C1orf21: variants seen among roughly 807,000 people sequenced by gnomAD.
The protein encoded by C1orf21 is uncharacterized protein C1orf21.
In C1orf21, 3 loss-of-function variants were observed where a neutral mutation model predicts 18.7. That is an observed-to-expected ratio of 0.16 (90% CI 0.07 to 0.42). The LOEUF is 0.42. Among genes scored for constraint, C1orf21 ranks in the 10% least tolerant of loss-of-function variants. The pLI, the probability that C1orf21 is intolerant of heterozygous loss-of-function variation, is 0.99. For missense variants in C1orf21, 104 were observed against 143.6 expected (o/e 0.72, Z 1.41); for synonymous variants, 41 against 46.4 (o/e 0.88, Z 0.47).
At chr1:184,545,272 G>T (rs140694755) in intron 3 of C1orf21, among the ~76,000 whole-genome samples, 3 of 151,998 alleles carry the variant, frequency 2.0e-5, no homozygotes. Flanking sequence ...GGAATGTGTC[G>T]CACCTGTTAA....
In C1orf21 at chr1:184,503,935, G is replaced by A. The variant is rs963633947; in HGVS notation, c.95-3653G>A. On this transcript the variant is annotated intron_variant, in intron 2 of 5. Coordinates refer to ENST00000235307, the MANE Select transcript of C1orf21 (RefSeq NM_030806.4). The stretch of plus-strand genomic sequence containing the variant: ...TGTTCAAGGGAGAAGCAGGAAAAAC[G>A]GCAGAAACAGACTGTACCCACTACT... Among the ~76,000 whole-genome samples, 7 of 152,064 alleles carry A rather than the reference G, an allele frequency of 4.6e-5. No homozygotes were observed. In the East Asian group the frequency reaches 7.7e-4, roughly 17 times the overall value.
At chr1:184,432,795 A>C (rs1656786132) in intron 1 of C1orf21, among the ~76,000 whole-genome samples, 1 of 152,234 alleles carries the variant, frequency 6.6e-6, no homozygotes, top group African/African-American at 2.4e-5. Context: ...AATGGAGAAC[A>C]TGAGAGGCTT....
At chr1:184,571,021 C>T (rs1170791952) in intron 3 of C1orf21, among the ~76,000 whole-genome samples, 21 of 152,052 alleles carry the variant, frequency 1.4e-4, no homozygotes, top group Admixed American at 1.4e-3. Context: ...AGGCCGGGCG[C>T]GGTGGCTCAC....
intron 5 of C1orf21, among the ~76,000 whole-genome samples, chr1:184,610,026 G>A (rs1659704317): frequency 6.6e-6 from 1 of 152,224 alleles, no homozygotes; most frequent in Non-Finnish European, 1.5e-5. Flanking sequence ...GCTCTAAAGA[G>A]GGCAAAACCC....
intron 1 of C1orf21, among the ~76,000 whole-genome samples, chr1:184,435,534 G>T (rs931192955): frequency 1.3e-5 from 2 of 152,096 alleles, no homozygotes; most frequent in Admixed American, 6.6e-5. Flanking sequence ...GTAGAGTTGG[G>T]GTTTCCCCAT....
At chr1:184,611,502 G>A (rs919771306) in intron 5 of C1orf21, among the ~76,000 whole-genome samples, 7 of 152,226 alleles carry the variant, frequency 4.6e-5, no homozygotes, top group East Asian at 1.9e-4. Context: ...CTAGCTAGTC[G>A]TGCACAGATG....
chr1:184,590,745 A>T lies in C1orf21; in HGVS notation c.196A>T (p.Ser66Cys), dbSNP rs1477247213. Residue 66 changes from serine (S) to cysteine (C), a missense_variant, in exon 4 of 6, where the codon AGT becomes TGT. Transcript: ENST00000235307. ...CTGTGTTTATGTGTTTCAGGAAAAA[A>T]GTGCCAGCTCAAATGTAAGACTTAA... ...AARNQENLEK[S>C]ASSNVRLKTN... 3 of 1,613,816 alleles carry T rather than the reference A, an allele frequency of 1.9e-6. No individual in the cohort carries two copies. In the African/African-American group the frequency reaches 4.0e-5, roughly 22 times the overall value.
chr1:184,469,349 A>C (rs191753420), intron 1 of C1orf21, among the ~76,000 whole-genome samples: 79 of 152,358 alleles, frequency 5.2e-4, no homozygotes, highest in African/African-American at 1.9e-3. Context: ...GTATTTCCTT[A>C]CATCTACCTC....
At chr1:184,617,453 GT>G (rs1293637533) in intron 5 of C1orf21, among the ~76,000 whole-genome samples, 1 of 152,138 alleles carries the variant, frequency 6.6e-6, no homozygotes, top group Non-Finnish European at 1.5e-5. Flanking sequence ...TATGTGTCTT[GT>G]TCCCCAGATT....
intron 5 of C1orf21, among the ~76,000 whole-genome samples, chr1:184,604,847 T>C (rs1458562869): frequency 6.6e-6 from 1 of 152,230 alleles, no homozygotes; most frequent in Admixed American, 6.5e-5. Context: ...CAACACACTT[T>C]CTTTTTTCTG....
intron 5 of C1orf21, among the ~76,000 whole-genome samples, chr1:184,609,825 T>A (rs1659701034): frequency 6.6e-6 from 1 of 152,230 alleles, no homozygotes; most frequent in South Asian, 2.1e-4. Context: ...TAAAATGGTA[T>A]AAAAATGTCA....
intron 2 of C1orf21, among the ~76,000 whole-genome samples, chr1:184,490,698 C>T (rs1657804698): frequency 6.6e-6 from 1 of 151,962 alleles, no homozygotes; most frequent in African/African-American, 2.4e-5. Context: ...ATTTAGAAAA[C>T]AGAAAATTTG....
rs75115995 is a variant in C1orf21, at chr1:184,404,230, G to C, written c.-125+16862G>C. Reference sequence around the variant, plus strand: ...CCAAAGCCTGTGTTTTCAGCTTTCTGTTCCAGAGTATCTTGTTAAGAACTT... The same window carrying C: ...CCAAAGCCTGTGTTTTCAGCTTTCTCTTCCAGAGTATCTTGTTAAGAACTT... On this transcript the variant is annotated intron_variant, in intron 1 of 5. Transcript: ENST00000235307. 7.1e-3 allele frequency among the ~76,000 whole-genome samples: 1,080 copies of C among 152,268 alleles called. 8 individuals are homozygous for C. The highest frequency in any genetic ancestry group is 0.024 in the African/African-American group (1,015 of 41,548).
intron 3 of C1orf21, among the ~76,000 whole-genome samples, chr1:184,579,137 A>C (rs1420085476): frequency 6.6e-6 from 1 of 151,230 alleles, no homozygotes; most frequent in African/African-American, 2.4e-5. Flanking sequence ...TCCTGGGTTC[A>C]AACAATTCTT....
chr1:184,531,092 T>C lies in C1orf21; in HGVS notation c.189+23410T>C, dbSNP rs185701555. Among the ~76,000 whole-genome samples the C allele has an allele frequency of 2.1e-4, 32 of 152,310 alleles. No individual in the cohort carries two copies. The East Asian group carries it at 4.0e-3, about 19-fold the overall frequency. On this transcript the variant is annotated intron_variant, in intron 3 of 5. Coordinates refer to ENST00000235307, the MANE Select transcript of C1orf21 (RefSeq NM_030806.4). Reference sequence around the variant, plus strand: ...TTCCACCTGTTTCAAAGTGATCTGGTTTTAGACTTAAAAAAGCTTTTTTCT... The same window carrying C: ...TTCCACCTGTTTCAAAGTGATCTGGCTTTAGACTTAAAAAAGCTTTTTTCT...
At chr1:184,552,757 C>G (rs923613632) in intron 3 of C1orf21, among the ~76,000 whole-genome samples, 2 of 151,880 alleles carry the variant, frequency 1.3e-5, no homozygotes, top group African/African-American at 2.4e-5. Flanking sequence ...AGATAAACAG[C>G]AGAGAGAGAA....
Position 184,624,066 on chromosome 1 carries a change from T to A in C1orf21, c.*4510T>A, listed in dbSNP as rs1455338798. 1 of 152,626 alleles carries A rather than the reference T, an allele frequency of 6.6e-6. No individual in the cohort carries two copies. Among genetic ancestry groups the A allele is most frequent in the African/African-American group, 2.4e-5 (1 of 41,452 alleles). 9.5% of individuals were successfully genotyped at this position (152,626 alleles called of 1,614,324 possible). A position where few individuals can be genotyped will look rare whatever the true frequency, so the allele number is the denominator to read the frequency against. ...TTACCCCCGTGTTCTAAATAATAGA[T>A]CTTAAGTGTGGAATGCATCTATCCA... On this transcript the variant is annotated 3_prime_UTR_variant, in exon 6 of 6. Transcript: ENST00000235307.
chr1:184,488,735 C>T (rs1217186920), intron 2 of C1orf21, among the ~76,000 whole-genome samples: 9 of 152,276 alleles, frequency 5.9e-5, no homozygotes, highest in Middle Eastern at 3.4e-3. Flanking sequence ...GAGGCCGAGG[C>T]GAGCAGGTTG....
rs1009704112 is a variant in C1orf21, at chr1:184,593,195, A to C, written c.266+2380A>C. ...ATACTTACTTAACATTGACACCCTG[A>C]AGCAGCACACTTCACAGACTGGCAT... On this transcript the variant is annotated intron_variant, in intron 4 of 5. Transcript: ENST00000235307. 6.6e-5 allele frequency among the ~76,000 whole-genome samples: 10 copies of C among 152,146 alleles called. 1 individual carries two copies. The highest frequency in any genetic ancestry group is 2.4e-4 in the African/African-American group (10 of 41,422).
Sources: allele counts gnomAD v4.1 joint callset (sites outside exome capture counted in the v4.1 genomes callset), GRCh38; gene constraint gnomAD v4.1.1; transcripts MANE v1.5; gene names NCBI Gene and HGNC (gene_info 2026-07-23, HGNC 2026-07-21).